The following ZNF407 variants were observed in gnomAD, a reference collection of about 807,000 sequenced individuals.
The protein encoded by ZNF407 is zinc finger protein 407.
In ZNF407, 17 loss-of-function variants were observed where a neutral mutation model predicts 131.2. That is an observed-to-expected ratio of 0.13 (90% CI 0.09 to 0.19). The LOEUF (loss-of-function observed/expected upper bound fraction) is 0.19. ZNF407 is among the 10% of genes least tolerant of loss of function. ZNF407 has a pLI of 1.00. For missense variants in ZNF407, 2,681 were observed against 2,830.6 expected (o/e 0.95, Z 1.20); for synonymous variants, 1,156 against 1,062.0 (o/e 1.09, Z -1.72).
At chr18:74,956,913 A>T (rs1035569005) in intron 8 of ZNF407, among the ~76,000 whole-genome samples, 1 of 152,206 alleles carries the variant, frequency 6.6e-6, no homozygotes, top group African/African-American at 2.4e-5. Context: ...TACATAGATC[A>T]TAGTGTTTTT....
intron 7 of ZNF407, among the ~76,000 whole-genome samples, chr18:74,914,972 C>T (rs967136166): frequency 3.3e-5 from 5 of 152,152 alleles, no homozygotes; most frequent in African/African-American, 9.7e-5. Flanking sequence ...ATGAGTTCTT[C>T]CTAGCATTCT....
chr18:74,684,119 A>G (rs1437925086), intron 3 of ZNF407, among the ~76,000 whole-genome samples: 2 of 152,164 alleles, frequency 1.3e-5, no homozygotes, highest in African/African-American at 4.8e-5. Flanking sequence ...CTGGGTTATA[A>G]AAGATGCTAA....
intron 4 of ZNF407, among the ~76,000 whole-genome samples, chr18:74,871,295 T>C (rs150234089): frequency 2.6e-4 from 40 of 152,270 alleles, no homozygotes; most frequent in African/African-American, 9.1e-4. Context: ...ATTCCCTCTC[T>C]TAGTATATTA....
At chr18:74,629,059 G>A (rs1244812594) in intron 1 of ZNF407, among the ~76,000 whole-genome samples, 1 of 152,152 alleles carries the variant, frequency 6.6e-6, no homozygotes, top group African/African-American at 2.4e-5. Context: ...TGCTTCTCTT[G>A]GTTGTGTATA....
chr18:74,864,682 G>A (rs17055780), intron 4 of ZNF407, among the ~76,000 whole-genome samples: 5 of 152,046 alleles, frequency 3.3e-5, no homozygotes, highest in African/African-American at 9.6e-5. Flanking sequence ...GCATTATTTC[G>A]AATTATTTAG....
At chr18:74,835,676 A>G (rs1970548519) in intron 4 of ZNF407, among the ~76,000 whole-genome samples, 1 of 147,762 alleles carries the variant, frequency 6.8e-6, no homozygotes, top group South Asian at 2.2e-4. Flanking sequence ...GTAAATGGAG[A>G]GGGAAAATGT....
Position 74,633,525 on chromosome 18 carries a change from A to G in ZNF407, c.2506A>G (p.Thr836Ala), listed in dbSNP as rs541727017. The G allele has an allele frequency of 5.1e-5, 83 of 1,614,064 alleles. No homozygotes were observed. In the South Asian group the frequency reaches 8.5e-4, roughly 16 times the overall value. Residue 836 changes from threonine (T) to alanine (A), a missense_variant, in exon 2 of 9, where the codon ACC becomes GCC. Coordinates refer to ENST00000299687, the MANE Select transcript of ZNF407 (RefSeq NM_017757.3). Reference protein sequence around the residue: ...GSTKDDELASTTTPKRGRPKG... With the variant: ...GSTKDDELASATTPKRGRPKG... Reference sequence around the variant, plus strand: ...CACCAAAGATGATGAATTAGCTTCAACCACTACTCCAAAGAGAGGGAGACC... The same window carrying G: ...CACCAAAGATGATGAATTAGCTTCAGCCACTACTCCAAAGAGAGGGAGACC...
chr18:74,829,189 G>C (rs747231712), intron 4 of ZNF407, among the ~76,000 whole-genome samples: 1 of 152,158 alleles, frequency 6.6e-6, no homozygotes, highest in African/African-American at 2.4e-5. Flanking sequence ...AAAGGAAATA[G>C]AGATGGTCTT....
At chr18:74,766,772 A>G (rs763198095) in intron 3 of ZNF407, among the ~76,000 whole-genome samples, 6 of 152,204 alleles carry the variant, frequency 3.9e-5, no homozygotes, top group Non-Finnish European at 7.3e-5. Flanking sequence ...TCGTTCTTCA[A>G]TTTACATTTT....
chr18:75,054,440 A>AC (rs2122273349), intron 8 of ZNF407, among the ~76,000 whole-genome samples: 1 of 152,354 alleles, frequency 6.6e-6, no homozygotes, highest in South Asian at 2.1e-4. Context: ...GGAAATATAA[A>AC]CATGACTACA....
chr18:74,793,917 C>T (rs1969871860), intron 4 of ZNF407, among the ~76,000 whole-genome samples: 1 of 152,166 alleles, frequency 6.6e-6, no homozygotes, highest in African/African-American at 2.4e-5. Context: ...GAGCTACCGC[C>T]AGGCTTTCAG....
chr18:74,785,892 CACTCACATGGG>C (rs1969700473), intron 4 of ZNF407, among the ~76,000 whole-genome samples: 2 of 144,894 alleles, frequency 1.4e-5, no homozygotes, highest in Non-Finnish European at 3.1e-5. Flanking sequence ...ACGCACATGG[CACTCACATGGG>C]ACACACATGT....
At chr18:74,636,645 G>T (rs959202225) in intron 2 of ZNF407, among the ~76,000 whole-genome samples, 4 of 152,130 alleles carry the variant, frequency 2.6e-5, no homozygotes, top group Non-Finnish European at 5.9e-5. Context: ...GAAACTTAGT[G>T]CATGGTTACG....
intron 4 of ZNF407, among the ~76,000 whole-genome samples, chr18:74,790,781 T>C (rs1969811577): frequency 6.6e-6 from 1 of 152,194 alleles, no homozygotes; most frequent in African/African-American, 2.4e-5. Flanking sequence ...TGGTAGTTGC[T>C]TATAAAAGTC....
intron 3 of ZNF407, among the ~76,000 whole-genome samples, chr18:74,780,172 A>G (rs369747273): frequency 3.1e-4 from 47 of 152,160 alleles, no homozygotes; most frequent in African/African-American, 1.1e-3. Context: ...AATGATTGTT[A>G]TTTTCAGTGT....
Position 74,938,369 on chromosome 18 carries a change from A to T in ZNF407, c.5428+17677A>T, listed in dbSNP as rs79102433. On this transcript the variant is annotated intron_variant, in intron 8 of 8. Transcript: ENST00000299687. ...TTTCTGTATCTGCTGCCTTTGGGTG[A>T]ATTTCCAGGTAGTATTTATTAGAGT... Among the ~76,000 whole-genome samples, 899 of 152,252 alleles carry T rather than the reference A, an allele frequency of 5.9e-3. 5 individuals carry two copies. Among genetic ancestry groups the T allele is most frequent in the Non-Finnish European group, 8.9e-3 (604 of 68,016 alleles).
chr18:74,663,871 G>A (rs1220958809), intron 3 of ZNF407, among the ~76,000 whole-genome samples: 4 of 152,162 alleles, frequency 2.6e-5, no homozygotes, highest in Non-Finnish European at 2.9e-5. Context: ...AGAAGGAAAC[G>A]TAAATTTCCA....
intron 4 of ZNF407, among the ~76,000 whole-genome samples, chr18:74,837,375 G>T (rs1281757130): frequency 6.6e-6 from 1 of 151,470 alleles, no homozygotes; most frequent in African/African-American, 2.4e-5. Context: ...CAAATTACTT[G>T]GAGAAAGATC....
chr18:75,035,223 T>C (rs1973294175), intron 8 of ZNF407, among the ~76,000 whole-genome samples: 1 of 152,224 alleles, frequency 6.6e-6, no homozygotes, highest in African/African-American at 2.4e-5. Flanking sequence ...AACACAGTGC[T>C]GGCCATTCAA....
Sources: allele counts gnomAD v4.1 joint callset (sites outside exome capture counted in the v4.1 genomes callset), GRCh38; gene constraint gnomAD v4.1.1; transcripts MANE v1.5; gene names NCBI Gene and HGNC (gene_info 2026-07-23, HGNC 2026-07-21).